The following COL14A1 variants were observed in gnomAD, a reference collection of about 807,000 sequenced individuals.
COL14A1 encodes the protein collagen alpha-1(XIV) chain.
Under a neutral mutation model 230.3 loss-of-function variants are expected in COL14A1, and 136 were observed. The ratio of observed to expected loss-of-function variants is 0.59; its 90% CI spans 0.51 to 0.68. The LOEUF (loss-of-function observed/expected upper bound fraction) is 0.68, where lower values mean the gene tolerates loss of function less well. COL14A1 is among the 30% of genes least tolerant of loss of function. The probability of loss-of-function intolerance (pLI) is 0.00; values close to 1 mark genes in which losing one functional copy is unlikely to be tolerated. For synonymous variants in COL14A1, 792 were observed against 784.1 expected (o/e 1.01, Z -0.17); for missense variants, 1,976 against 2,215.8 (o/e 0.89, Z 2.17).
intron 34 of COL14A1, among the ~76,000 whole-genome samples, chr8:120,293,885 A>G (rs1378309507): frequency 1.3e-5 from 2 of 151,898 alleles, no homozygotes; most frequent in African/African-American, 4.8e-5. Context: ...TTTATTTTCT[A>G]ATTTAATCAG....
At chr8:120,206,836 T>C in intron 9 of COL14A1, 107 bp from the exon 10 acceptor site, 1 of 1,130,678 alleles carries the variant, frequency 8.8e-7, no homozygotes, top group South Asian at 1.8e-5. Context: ...GAGGAAAATC[T>C]TAGAGGCAGC....
intron 17 of COL14A1, 110 bp downstream of exon 17, chr8:120,227,462 C>A: frequency 7.4e-7 from 1 of 1,359,582 alleles, no homozygotes; most frequent in Non-Finnish European, 1.0e-6. Flanking sequence ...GCTTCAATTT[C>A]TCTTTGTCCC....
Position 120,337,293 on chromosome 8 carries a change from AG to A in COL14A1, c.4786-4031del, listed in dbSNP as rs374390203. Reference sequence around the variant, plus strand: ...TGCTTGTAATCCCAGCTACTCAGGAAGCTGAAAGACGAGAATCGCTTAAACC... The same window carrying A: ...TGCTTGTAATCCCAGCTACTCAGGAACTGAAAGACGAGAATCGCTTAAACC... On this transcript the variant is annotated intron_variant, in intron 42 of 47. Transcript: ENST00000297848. 2.5e-4 allele frequency among the ~76,000 whole-genome samples: 38 copies of A among 151,878 alleles called. No individual in the cohort carries two copies. In the East Asian group the frequency reaches 6.4e-3, roughly 26 times the overall value.
rs2198751 is a variant in COL14A1 at position 120,168,428 on chromosome 8, C to T, written c.436+181C>T. Among the ~76,000 whole-genome samples the T allele has an allele frequency of 0.33, 50,758 of 151,962 alleles. 9,242 individuals are homozygous for T. The highest frequency in any genetic ancestry group is 0.47 in the Admixed American group (7,199 of 15,256). On this transcript the variant is annotated intron_variant, in intron 5 of 47. Coordinates refer to ENST00000297848, the MANE Select transcript of COL14A1 (RefSeq NM_021110.4). ...CAAGATGACCCCCAACCACTTGGCA[C>T]GTGACCTTTCAGGCACCTTTCTCAG...
At chr8:120,179,147 G>T (rs2130630717) in intron 5 of COL14A1, among the ~76,000 whole-genome samples, 1 of 152,164 alleles carries the variant, frequency 6.6e-6, no homozygotes, top group Non-Finnish European at 1.5e-5. Context: ...TGAAGTCTTT[G>T]CCCATGCCTA....
intron 3 of COL14A1, among the ~76,000 whole-genome samples, chr8:120,159,970 G>A (rs1427246333): frequency 6.6e-6 from 1 of 152,182 alleles, no homozygotes; most frequent in Non-Finnish European, 1.5e-5. Flanking sequence ...GGGATTACAG[G>A]TGTGAGCTAT....
At position 120,345,397 on chromosome 8, in the gene COL14A1, C is replaced by A. The variant is rs1305729695; in HGVS notation, c.4911C>A (p.Ala1637=). 2 of 1,594,636 alleles carry A rather than the reference C, an allele frequency of 1.3e-6. No homozygotes were observed. The highest frequency in any genetic ancestry group is 1.7e-6 in the Non-Finnish European group (2 of 1,171,994). Residue 1637 remains alanine, a synonymous_variant, in exon 45 of 48, where the codon GCC becomes GCA. Coordinates refer to ENST00000297848, the MANE Select transcript of COL14A1 (RefSeq NM_021110.4). Reference sequence around the variant, plus strand: ...CAGGTCACATGGCCAGGTACACTGCCATCCTCAACCAGATTCCCAGCCACT... The same window carrying A: ...CAGGTCACATGGCCAGGTACACTGCAATCCTCAACCAGATTCCCAGCCACT... ...LIQSHMARYT[A]ILNQIPSHSS...
intron 26 of COL14A1, 148 bp downstream of exon 26, chr8:120,270,322 A>C: frequency 1.2e-6 from 1 of 857,958 alleles, no homozygotes; most frequent in South Asian, 2.6e-5. Context: ...ATGTGTTTGG[A>C]AGCAGCTTGT....
intron 5 of COL14A1, among the ~76,000 whole-genome samples, chr8:120,172,999 T>A (rs931619203): frequency 2.6e-5 from 4 of 152,244 alleles, no homozygotes; most frequent in African/African-American, 9.6e-5. Context: ...AATATTCTGT[T>A]TCTTATTAAA....
chr8:120,143,401 A>G (rs1440678122), intron 1 of COL14A1, among the ~76,000 whole-genome samples: 1 of 152,098 alleles, frequency 6.6e-6, no homozygotes, highest in East Asian at 1.9e-4. Context: ...GGCGGATCAC[A>G]AGGTCAGGAG....
Position 120,262,950 on chromosome 8 carries a change from A to G in COL14A1, c.2952A>G (p.Lys984=). ...FYGLQPDSEY[K]ISVYTKLQEI... Reference sequence around the variant, plus strand: ...GACTTCAGCCTGATTCTGAATATAAAATCAGTGTTTATACAAAGCTCCAGG... The same window carrying G: ...GACTTCAGCCTGATTCTGAATATAAGATCAGTGTTTATACAAAGCTCCAGG... Residue 984 remains lysine, a synonymous_variant, in exon 24 of 48, where the codon AAA becomes AAG. Transcript: ENST00000297848. 1 of 1,613,740 alleles carries G rather than the reference A, an allele frequency of 6.2e-7. No individual in the cohort carries two copies.
At chr8:120,336,526 C>T (rs571314443) in intron 42 of COL14A1, among the ~76,000 whole-genome samples, 10 of 152,268 alleles carry the variant, frequency 6.6e-5, no homozygotes, top group African/African-American at 1.9e-4. Flanking sequence ...TCTCATTGGC[C>T]CCCTGGTCTC....
At chr8:120,164,407 C>A (rs1289190530) in intron 4 of COL14A1, among the ~76,000 whole-genome samples, 1 of 151,972 alleles carries the variant, frequency 6.6e-6, no homozygotes, top group Non-Finnish European at 1.5e-5. Context: ...TTTTTACACC[C>A]CTTCCCTCCC....
chr8:120,159,706 T>C (rs1315994083), intron 3 of COL14A1, among the ~76,000 whole-genome samples: 1 of 152,214 alleles, frequency 6.6e-6, no homozygotes, highest in East Asian at 1.9e-4. Flanking sequence ...TTTAAATTTT[T>C]TGAGACTGAG....
intron 23 of COL14A1, 119 bp from the exon 24 acceptor site, chr8:120,262,749 C>G: frequency 1.1e-6 from 1 of 871,380 alleles, no homozygotes; most frequent in East Asian, 2.8e-5. Flanking sequence ...ATAACTCATT[C>G]TGGAGTTATC....
At chr8:120,217,102 T>C (rs1041974336) in intron 14 of COL14A1, among the ~76,000 whole-genome samples, 5 of 152,126 alleles carry the variant, frequency 3.3e-5, no homozygotes, top group Admixed American at 6.6e-5. Context: ...TGGCCATCTC[T>C]GGAAAATGCA....
At chr8:120,354,860 C>T (rs1027749053) in intron 45 of COL14A1, among the ~76,000 whole-genome samples, 3 of 152,092 alleles carry the variant, frequency 2.0e-5, no homozygotes, top group Non-Finnish European at 4.4e-5. Flanking sequence ...TTAAGCAGCC[C>T]GATTTCTCAC....
intron 19 of COL14A1, among the ~76,000 whole-genome samples, chr8:120,240,968 G>A (rs1258461269): frequency 3.9e-5 from 6 of 152,108 alleles, no homozygotes; most frequent in African/African-American, 9.7e-5. Flanking sequence ...TTGTTGTCAG[G>A]GTAGGAAGGT....
At chr8:120,149,619 G>T (rs1815206039) in intron 2 of COL14A1, among the ~76,000 whole-genome samples, 1 of 151,856 alleles carries the variant, frequency 6.6e-6, no homozygotes, top group African/African-American at 2.4e-5. Flanking sequence ...ATCATATATA[G>T]CTCTTACGGG....
Sources: gnomAD v4.1 joint callset for allele counts (sites outside exome capture counted in the v4.1 genomes callset) on GRCh38, gnomAD v4.1.1 for gene constraint, MANE v1.5 for transcripts, NCBI Gene and HGNC (gene_info 2026-07-23, HGNC 2026-07-21) for gene names.